The following RTN4RL1 variants were observed in gnomAD, a reference collection of about 807,000 sequenced individuals.
RTN4RL1 encodes reticulon-4 receptor-like 1.
A neutral mutation model predicts 25.6 loss-of-function variants in RTN4RL1; 7 were observed. The observed-to-expected ratio is 0.27, with a 90% CI of 0.16 to 0.51. The LOEUF (loss-of-function observed/expected upper bound fraction) is 0.51. RTN4RL1 is among the 20% of genes least tolerant of loss of function. The pLI is 0.97. For missense variants in RTN4RL1, 500 were observed against 615.6 expected (o/e 0.81, Z 1.99); for synonymous variants, 297 against 288.2 (o/e 1.03, Z -0.31).
chr17:1,998,756 C>T lies in RTN4RL1; in HGVS notation c.13+26097G>A, dbSNP rs2066941754. Among the ~76,000 whole-genome samples the T allele has an allele frequency of 6.6e-6, 1 of 151,284 alleles. No individual in the cohort carries two copies. Among genetic ancestry groups the T allele is most frequent in the African/African-American group, 2.4e-5 (1 of 41,126 alleles). On this transcript the variant is annotated intron_variant, in intron 1 of 1. Transcript: ENST00000331238. This position sits in a 1 kb window ranked among gnomAD's most constrained non-coding sequence, Gnocchi z 4.9. ...GCAGCACAGACGGGGACAGGGGCGG[C>T]CTCGCGCGCACGGGGACCCCGGGGT...
At chr17:1,945,152 C>A (rs1915511521) in intron 1 of RTN4RL1, among the ~76,000 whole-genome samples, 1 of 152,190 alleles carries the variant, frequency 6.6e-6, no homozygotes, top group Non-Finnish European at 1.5e-5. Context: ...CTCACCCCAC[C>A]ATTCGCAGCT....
At chr17:1,984,070 C>T (rs117338013) in intron 1 of RTN4RL1, among the ~76,000 whole-genome samples, 2,450 of 152,298 alleles carry the variant, frequency 0.016, 38 homozygotes, top group Middle Eastern at 0.055. Flanking sequence ...GTGGGCAGGG[C>T]GGGCAGCACC....
chr17:1,962,080 C>G (rs1346565849), intron 1 of RTN4RL1, among the ~76,000 whole-genome samples: 1 of 149,244 alleles, frequency 6.7e-6, no homozygotes, highest in African/African-American at 2.5e-5. Flanking sequence ...CCAGGGGTTT[C>G]AGAACAGCCT....
intron 1 of RTN4RL1, among the ~76,000 whole-genome samples, chr17:1,941,557 C>T (rs1224468680): frequency 6.6e-6 from 1 of 152,170 alleles, no homozygotes; most frequent in African/African-American, 2.4e-5. Flanking sequence ...GGCAGCCCCT[C>T]CCGTCCCAGT....
At chr17:2,022,750 G>A (rs894305723) in intron 1 of RTN4RL1, among the ~76,000 whole-genome samples, 1 of 152,268 alleles carries the variant, frequency 6.6e-6, no homozygotes, top group Non-Finnish European at 1.5e-5. Context: ...CCAGTGAAGG[G>A]CTTCTCTGCT....
intron 1 of RTN4RL1, among the ~76,000 whole-genome samples, chr17:1,953,727 GTTAA>G (rs1343640978): frequency 6.6e-6 from 1 of 152,112 alleles, no homozygotes; most frequent in Non-Finnish European, 1.5e-5. Context: ...ACCAAGCTCG[GTTAA>G]TTTTTGTATT....
chr17:1,959,787 A>G (rs954180829), intron 1 of RTN4RL1, among the ~76,000 whole-genome samples: 6 of 151,506 alleles, frequency 4.0e-5, no homozygotes, highest in Non-Finnish European at 5.9e-5. Flanking sequence ...CTGGTTTCGA[A>G]CTCCTGACCT....
chr17:1,999,975 C>G (rs1364241284), intron 1 of RTN4RL1, among the ~76,000 whole-genome samples: 1 of 152,236 alleles, frequency 6.6e-6, no homozygotes, highest in Non-Finnish European at 1.5e-5. Context: ...GTGCTGACCA[C>G]TGGGCAGGCC....
intron 1 of RTN4RL1, among the ~76,000 whole-genome samples, chr17:1,990,111 A>C (rs556717262): frequency 6.6e-6 from 1 of 152,186 alleles, no homozygotes; most frequent in Non-Finnish European, 1.5e-5. Context: ...GGATGCATAG[A>C]ATATTTGGGA....
At chr17:1,941,251 G>A (rs368153122) in intron 1 of RTN4RL1, among the ~76,000 whole-genome samples, 12 of 152,334 alleles carry the variant, frequency 7.9e-5, no homozygotes, top group Middle Eastern at 3.4e-3. Context: ...GTGCCTCCAA[G>A]GGATGTCAGG....
At chr17:1,979,220 C>T (rs1010668968) in intron 1 of RTN4RL1, among the ~76,000 whole-genome samples, 1 of 152,192 alleles carries the variant, frequency 6.6e-6, no homozygotes, top group South Asian at 2.1e-4. Context: ...TTGCAGTGAG[C>T]CAAGATAGCG....
At chr17:1,965,820 C>G (rs545808514) in intron 1 of RTN4RL1, among the ~76,000 whole-genome samples, 1 of 152,182 alleles carries the variant, frequency 6.6e-6, no homozygotes, top group East Asian at 1.9e-4. Context: ...CAGGACTCTC[C>G]GCCCTCGTCT....
At chr17:2,011,718 T>C (rs1016685403) in intron 1 of RTN4RL1, among the ~76,000 whole-genome samples, 5 of 152,138 alleles carry the variant, frequency 3.3e-5, no homozygotes, top group African/African-American at 9.7e-5. Flanking sequence ...GCAATCAGAA[T>C]TGGCCATGAA....
At chr17:1,950,741 G>GGAGGCT (rs939767876) in intron 1 of RTN4RL1, among the ~76,000 whole-genome samples, 1 of 150,998 alleles carries the variant, frequency 6.6e-6, no homozygotes, top group Non-Finnish European at 1.5e-5. Context: ...CAGCCACTTG[G>GGAGGCT]GAGGCTGAGG....
At position 1,998,958 on chromosome 17, in the gene RTN4RL1, T is replaced by C. The variant is rs889962571; in HGVS notation, c.13+25895A>G. ...AGGGTTCCAGTCGGCTGTGCACAAC[T>C]GAAGAGCTGCTCCCCCTTCCCTGCA... On this transcript the variant is annotated intron_variant, in intron 1 of 1. Transcript: ENST00000331238. The surrounding 1 kb of genome is among the most constrained non-coding windows in gnomAD (Gnocchi z 4.9). 6.6e-6 allele frequency among the ~76,000 whole-genome samples: 1 copy of C among 152,044 alleles called. No homozygotes were observed. The highest frequency in any genetic ancestry group is 1.5e-5 in the Non-Finnish European group (1 of 67,996).
At chr17:1,978,640 G>T (rs958186901) in intron 1 of RTN4RL1, among the ~76,000 whole-genome samples, 2 of 152,052 alleles carry the variant, frequency 1.3e-5, no homozygotes, top group Non-Finnish European at 2.9e-5. Flanking sequence ...AAATGGGGGG[G>T]GTGGAGGGTG....
chr17:1,977,373 C>A (rs1234549569), intron 1 of RTN4RL1, among the ~76,000 whole-genome samples: 2 of 152,140 alleles, frequency 1.3e-5, no homozygotes, highest in African/African-American at 2.4e-5. Context: ...CCAGCAACGG[C>A]GGTGGTGACC....
At chr17:1,949,067 C>T (rs1317478408) in intron 1 of RTN4RL1, among the ~76,000 whole-genome samples, 2 of 152,224 alleles carry the variant, frequency 1.3e-5, no homozygotes, top group African/African-American at 4.8e-5. Flanking sequence ...AGGCATTCTT[C>T]TGCCTCAGCC....
Position 1,941,553 on chromosome 17 carries a change from C to T in RTN4RL1, c.14-3745G>A, listed in dbSNP as rs563230478. ...AGCCACAGGCACCAGTGTGGGCAGC[C>T]CCTCCCGTCCCAGTGCCTGAGGATG... is the stretch of plus-strand genomic sequence containing the variant. On this transcript the variant is annotated intron_variant, in intron 1 of 1. Transcript: ENST00000331238. Among the ~76,000 whole-genome samples the T allele has an allele frequency of 6.6e-5, 10 of 152,298 alleles. No individual in the cohort carries two copies. In the East Asian group the frequency reaches 1.9e-3, roughly 29 times the overall value.
Sources: gnomAD v4.1 joint callset for allele counts (sites outside exome capture counted in the v4.1 genomes callset) on GRCh38, gnomAD v4.1.1 for gene constraint, Gnocchi (gnomAD v3.1) non-coding constraint, MANE v1.5 for transcripts, NCBI Gene and HGNC (gene_info 2026-07-23, HGNC 2026-07-21) for gene names.